Variants in TIMP2 observed in about 807,000 individuals in gnomAD.
The protein encoded by TIMP2 is metalloproteinase inhibitor 2.
Under a neutral mutation model 24.3 loss-of-function variants are expected in TIMP2, and 5 were observed. That is an observed-to-expected ratio of 0.21 (90% CI 0.11 to 0.43). The LOEUF (loss-of-function observed/expected upper bound fraction) is 0.43. TIMP2 is among the 20% of genes least tolerant of loss of function. TIMP2 has a pLI of 1.00. For synonymous variants in TIMP2, 130 were observed against 123.2 expected (o/e 1.06, Z -0.37); for missense variants, 221 against 297.5 (o/e 0.74, Z 1.89).
chr17:78,923,845 C>A, intron 1 of TIMP2, among the ~76,000 whole-genome samples: 1 of 152,148 alleles, frequency 6.6e-6, no homozygotes, highest in Non-Finnish European at 1.5e-5. Context: ...ATGGGAAGGG[C>A]GTGGCTGACA....
intron 1 of TIMP2, among the ~76,000 whole-genome samples, chr17:78,917,063 C>T (rs1223751184): frequency 2.0e-5 from 3 of 152,136 alleles, no homozygotes; most frequent in Non-Finnish European, 4.4e-5. Flanking sequence ...CCAGCCTGGC[C>T]GACAGGGTGA....
chr17:78,859,540 G>A (rs1030149354), intron 3 of TIMP2, among the ~76,000 whole-genome samples: 2 of 152,146 alleles, frequency 1.3e-5, no homozygotes, highest in Admixed American at 1.3e-4. Context: ...ATGCATGCCT[G>A]TAATCCCAGC....
chr17:78,897,225 G>A (rs1471099820), intron 1 of TIMP2: 1 of 153,276 alleles, frequency 6.5e-6, no homozygotes, highest in Non-Finnish European at 1.4e-5. Flanking sequence ...CCAGAATGGG[G>A]GCTCCACAGT....
At chr17:78,892,157 C>T in intron 1 of TIMP2, 1 of 1,550,950 alleles carries the variant, frequency 6.4e-7, no homozygotes, top group Non-Finnish European at 8.7e-7. Context: ...CTGATACCCT[C>T]TCCTCAACTC....
intron 4 of TIMP2, chr17:78,856,133 A>G: frequency 2.0e-6 from 1 of 505,292 alleles, no homozygotes; most frequent in Non-Finnish European, 3.6e-6. Context: ...CTTCCTGAGC[A>G]TGACAGAATG....
chr17:78,924,825 G>C lies in TIMP2; in HGVS notation c.130+134C>G. 1 of 427,812 alleles carries C rather than the reference G, an allele frequency of 2.3e-6. No homozygotes were observed. 26.5% of individuals were successfully genotyped at this position (427,812 alleles called of 1,614,324 possible). On this transcript the variant is annotated intron_variant, in intron 1 of 4. Transcript: ENST00000262768. The surrounding 1 kb of genome is among the most constrained non-coding windows in gnomAD (Gnocchi z 5.3). ...CTCTGGGCGTCCACTTGCAGGATTC[G>C]AGAAGGCGCCGAGGGACCAGGAGGC... is the stretch of plus-strand genomic sequence containing the variant.
At chr17:78,923,401 G>C (rs866530255) in intron 1 of TIMP2, among the ~76,000 whole-genome samples, 56 of 137,252 alleles carry the variant, frequency 4.1e-4, no homozygotes, top group African/African-American at 1.4e-3. Context: ...CGGGGTGGGG[G>C]GGGGGGCGGG....
chr17:78,859,384 GTGCGA>G (rs2069550552), intron 3 of TIMP2, among the ~76,000 whole-genome samples: 1 of 152,224 alleles, frequency 6.6e-6, no homozygotes, highest in South Asian at 2.1e-4. Flanking sequence ...CTCAGGCCAG[GTGCGA>G]TGGCTCATGC....
chr17:78,863,529 AC>A (rs1445671310), intron 3 of TIMP2, among the ~76,000 whole-genome samples: 10 of 152,220 alleles, frequency 6.6e-5, no homozygotes, highest in African/African-American at 2.4e-4. Flanking sequence ...GGCGTCAGCC[AC>A]TGCGCTGGGC....
At chr17:78,922,807 AAAG>A (rs2070317745) in intron 1 of TIMP2, among the ~76,000 whole-genome samples, 1 of 152,192 alleles carries the variant, frequency 6.6e-6, no homozygotes, top group Non-Finnish European at 1.5e-5. Context: ...CTCCAAAAAA[AAAG>A]AACAGGGAAA....
At chr17:78,881,152 T>A (rs995284579) in intron 1 of TIMP2, among the ~76,000 whole-genome samples, 2 of 152,260 alleles carry the variant, frequency 1.3e-5, no homozygotes, top group African/African-American at 4.8e-5. Flanking sequence ...TGACTCGGAC[T>A]GGGAGGGTTT....
intron 1 of TIMP2, among the ~76,000 whole-genome samples, chr17:78,880,274 A>T (rs1211138861): frequency 6.6e-6 from 1 of 152,122 alleles, no homozygotes; most frequent in African/African-American, 2.4e-5. Context: ...CGTCCCCTTC[A>T]TACACCCACC....
At chr17:78,892,011 T>A in intron 1 of TIMP2, 1 of 1,550,680 alleles carries the variant, frequency 6.4e-7, no homozygotes, top group Non-Finnish European at 8.7e-7. Context: ...TCCTTGGCCC[T>A]CGGGGGCCTG....
chr17:78,889,305 C>T (rs2069857552), intron 1 of TIMP2, among the ~76,000 whole-genome samples: 1 of 152,194 alleles, frequency 6.6e-6, no homozygotes, highest in Non-Finnish European at 1.5e-5. Context: ...AGTGGCAAAG[C>T]TAGCGGGGAG....
At chr17:78,867,840 C>T (rs1365832546) in intron 3 of TIMP2, among the ~76,000 whole-genome samples, 1 of 152,010 alleles carries the variant, frequency 6.6e-6, no homozygotes, top group African/African-American at 2.4e-5. Flanking sequence ...ACCTCATGAT[C>T]TGCCCGTCTC....
chr17:78,876,817 A>G (rs939999005), intron 1 of TIMP2, among the ~76,000 whole-genome samples: 7 of 151,940 alleles, frequency 4.6e-5, no homozygotes, highest in African/African-American at 1.2e-4. Context: ...GTGAGCCACC[A>G]CACCCAGCCT....
chr17:78,872,333 C>A (rs1004786166), intron 2 of TIMP2, among the ~76,000 whole-genome samples: 6 of 152,032 alleles, frequency 3.9e-5, no homozygotes, highest in African/African-American at 1.5e-4. Flanking sequence ...TACTTGATGG[C>A]AATGAGAGCA....
At position 78,871,165 on chromosome 17, in the gene TIMP2, C is replaced by T. The variant is rs566979575; in HGVS notation, c.232-159G>A. ...GCAAATACATGGGTTAGGAAAAGAC[C>T]GTTCCAGCTGGGCTCAGGGCTCATG... On this transcript the variant is annotated intron_variant, in intron 2 of 4. Transcript: ENST00000262768. 1.2e-4 allele frequency among the ~76,000 whole-genome samples: 19 copies of T among 152,156 alleles called. No individual in the cohort carries two copies. In the South Asian group the frequency reaches 1.7e-3, roughly 13 times the overall value.
intron 1 of TIMP2, among the ~76,000 whole-genome samples, chr17:78,884,715 G>A (rs2145763019): frequency 6.6e-6 from 1 of 152,308 alleles, no homozygotes. Flanking sequence ...AGCTGCAAGT[G>A]CAGGCTGCAC....
Sources: allele counts gnomAD v4.1 joint callset (sites outside exome capture counted in the v4.1 genomes callset), GRCh38; gene constraint gnomAD v4.1.1; non-coding constraint Gnocchi (gnomAD v3.1); transcripts MANE v1.5; gene names NCBI Gene and HGNC (gene_info 2026-07-23, HGNC 2026-07-21).